The following TIAM1 variants were observed in gnomAD, a reference collection of about 807,000 sequenced individuals.
TIAM1 encodes TIAM Rac1 associated GEF 1.
In TIAM1, 65 loss-of-function variants were observed where a neutral mutation model predicts 163.5. The observed-to-expected ratio is 0.40, with a 90% CI of 0.33 to 0.49. The LOEUF (loss-of-function observed/expected upper bound fraction) is 0.49. Ranked by LOEUF, TIAM1 falls within the 20% of genes least tolerant of loss-of-function variation. The pLI, the probability that TIAM1 is intolerant of heterozygous loss-of-function variation, is 0.77. For synonymous variants in TIAM1, 833 were observed against 810.1 expected, an observed-to-expected ratio of 1.03 and a Z score of -0.48; for missense variants, 1,789 against 2,044.7, an observed-to-expected ratio of 0.87 and a Z score of 2.41.
At chr21:31,246,671 G>A (rs1251721866) in intron 5 of TIAM1, among the ~76,000 whole-genome samples, 1 of 152,198 alleles carries the variant, frequency 6.6e-6, no homozygotes. Context: ...TATGCGATTA[G>A]TAGTGTAGAA....
intron 1 of TIAM1, among the ~76,000 whole-genome samples, chr21:31,526,538 C>CT (rs34839201): frequency 6.6e-6 from 1 of 152,118 alleles, no homozygotes; most frequent in African/African-American, 2.4e-5. Context: ...AGGAAACTCC[C>CT]TTTTTTTCTA....
chr21:31,485,726 C>T (rs907638074), intron 1 of TIAM1, among the ~76,000 whole-genome samples: 1 of 152,110 alleles, frequency 6.6e-6, no homozygotes. Context: ...GCCAACAATT[C>T]CAACACCACC....
chr21:31,279,096 A>G (rs1232773727), intron 2 of TIAM1, among the ~76,000 whole-genome samples: 4 of 152,114 alleles, frequency 2.6e-5, no homozygotes, highest in African/African-American at 4.8e-5. Flanking sequence ...TTCTCTATCT[A>G]TATTCTTCTA....
rs116023240 is a variant in TIAM1, at chr21:31,383,840, G to A, written c.-368-44418C>T. Among the ~76,000 whole-genome samples the A allele has an allele frequency of 9.9e-4, 150 of 152,246 alleles. 1 individual carries two copies. Among genetic ancestry groups the A allele is most frequent in the African/African-American group, 3.5e-3 (147 of 41,550 alleles). The stretch of plus-strand genomic sequence containing the variant: ...CTTTAAGACCAGCTTCATTTGCTGT[G>A]ATTTTCCACTTTCCAGAGTGAAAAC... On this transcript the variant is annotated intron_variant, in intron 2 of 28. Transcript: ENST00000286827.
At chr21:31,162,868 T>C (rs986436162) in intron 16 of TIAM1, among the ~76,000 whole-genome samples, 3 of 152,170 alleles carry the variant, frequency 2.0e-5, no homozygotes, top group African/African-American at 7.2e-5. Context: ...TATTTCTATA[T>C]TTGACCCTTC....
chr21:31,492,981 ATT>A (rs5843520), intron 1 of TIAM1, among the ~76,000 whole-genome samples: 43,924 of 151,056 alleles, frequency 0.29, 7,526 homozygotes, highest in African/African-American at 0.48. Context: ...ATAGTTATGT[ATT>A]TTTTTTTTAA....
At chr21:31,445,802 G>T (rs1480708442) in intron 2 of TIAM1, among the ~76,000 whole-genome samples, 1 of 152,156 alleles carries the variant, frequency 6.6e-6, no homozygotes. Flanking sequence ...AGTACAGCCA[G>T]GGGGAGGAGG....
chr21:31,156,249 A>G (rs1003242829), intron 16 of TIAM1, among the ~76,000 whole-genome samples: 5 of 152,224 alleles, frequency 3.3e-5, no homozygotes, highest in Admixed American at 2.0e-4. Flanking sequence ...TTATTATTCT[A>G]ATTCTCTTAC....
At chr21:31,449,111 C>A (rs1459407702) in intron 2 of TIAM1, among the ~76,000 whole-genome samples, 3 of 151,996 alleles carry the variant, frequency 2.0e-5, no homozygotes, top group Non-Finnish European at 4.4e-5. Context: ...ACTACAGGCA[C>A]ACACCACCAC....
At chr21:31,290,176 G>A (rs987496280) in intron 2 of TIAM1, among the ~76,000 whole-genome samples, 2 of 151,976 alleles carry the variant, frequency 1.3e-5, no homozygotes, top group Non-Finnish European at 2.9e-5. Flanking sequence ...AAATCTAAAG[G>A]CAAAAGATGA....
At chr21:31,338,215 G>A (rs1247736441) in intron 2 of TIAM1, among the ~76,000 whole-genome samples, 2 of 152,160 alleles carry the variant, frequency 1.3e-5, no homozygotes. Context: ...AACAAGTCAC[G>A]GCAAGATCTG....
In TIAM1 at chr21:31,160,507, G is replaced by A. The variant is rs1039014063; in HGVS notation, c.2991+4455C>T. ...TCATTGTTTTCAATCCTGGGCTTGC[G>A]CTTTATTTTCCACAGTGCAGACATC... is the stretch of plus-strand genomic sequence containing the variant. On this transcript the variant is annotated intron_variant, in intron 16 of 27. Transcript: ENST00000541036. 2.3e-5 allele frequency: 9 copies of A among 398,514 alleles called. No individual in the cohort carries two copies. The East Asian group carries it at 2.5e-4, about 11-fold the overall frequency. 24.7% of individuals were successfully genotyped at this position (398,514 alleles called of 1,614,324 possible). A position where few individuals can be genotyped will look rare whatever the true frequency, so the allele number is the denominator to read the frequency against.
chr21:31,525,367 C>CA (rs200283424), intron 1 of TIAM1, among the ~76,000 whole-genome samples: 2,480 of 101,572 alleles, frequency 0.024, 38 homozygotes, highest in South Asian at 0.052. Flanking sequence ...GACTCCGTCT[C>CA]AAAAAAAAAA....
At chr21:31,414,566 A>G (rs1006651448) in intron 2 of TIAM1, among the ~76,000 whole-genome samples, 3 of 152,168 alleles carry the variant, frequency 2.0e-5, no homozygotes, top group African/African-American at 7.2e-5. Context: ...AGGACCCTCC[A>G]CCATTTCCTC....
intron 3 of TIAM1, among the ~76,000 whole-genome samples, chr21:31,276,386 T>C (rs569038430): frequency 2.6e-5 from 4 of 152,304 alleles, no homozygotes; most frequent in African/African-American, 9.6e-5. Flanking sequence ...AAACAAAACA[T>C]ATCATTGTTT....
intron 1 of TIAM1, among the ~76,000 whole-genome samples, chr21:31,514,386 T>C (rs1174792976): frequency 1.3e-5 from 2 of 151,994 alleles, no homozygotes; most frequent in Admixed American, 1.3e-4. Flanking sequence ...GCCACAAATG[T>C]TAAGTTCCTA....
At chr21:31,557,781 C>CA (rs2048933550) in intron 1 of TIAM1, among the ~76,000 whole-genome samples, 1 of 152,160 alleles carries the variant, frequency 6.6e-6, no homozygotes, top group Non-Finnish European at 1.5e-5. Context: ...CGGGAAAAGG[C>CA]AGGCTCCGAG....
At chr21:31,555,483 T>C (rs1289002310) in intron 1 of TIAM1, among the ~76,000 whole-genome samples, 1 of 152,128 alleles carries the variant, frequency 6.6e-6, no homozygotes, top group Non-Finnish European at 1.5e-5. Context: ...ACCAAATGAC[T>C]GGAGATCGTA....
At position 31,266,873 on chromosome 21, in the gene TIAM1, G is replaced by A. The variant is rs1462930814; in HGVS notation, c.100C>T (p.His34Tyr). ...KHTSRSLRLS[H>Y]KTRRTRHASS... ...GCGTGCCTGGTCCTCCGCGTCTTGT[G>A]CGAGAGGCGCAGGGAGCGGGAAGTG... is the stretch of plus-strand genomic sequence containing the variant. The change falls in exon 4 of 28, where the codon CAC becomes TAC. Residue 34 changes from histidine to tyrosine, a missense_variant. Transcript: ENST00000541036. 6.2e-7 allele frequency: 1 copy of A among 1,614,006 alleles called. No individual in the cohort carries two copies. The highest frequency in any genetic ancestry group is 8.5e-7 in the Non-Finnish European group (1 of 1,180,044).
Sources: gnomAD v4.1 joint callset for allele counts (sites outside exome capture counted in the v4.1 genomes callset) on GRCh38, gnomAD v4.1.1 for gene constraint, MANE v1.5 for transcripts, NCBI Gene and HGNC (gene_info 2026-07-23, HGNC 2026-07-21) for gene names.